Variants in PTPRD observed in about 807,000 individuals in gnomAD.
PTPRD encodes receptor-type tyrosine-protein phosphatase delta.
PTPRD carries 34 observed loss-of-function variants against 214.5 expected under a neutral mutation model. The ratio of observed to expected loss-of-function variants is 0.16; its 90% confidence interval spans 0.12 to 0.21. The LOEUF is 0.21. Among genes scored for constraint, PTPRD ranks in the 10% least tolerant of loss-of-function variants. The pLI is 1.00. For synonymous variants in PTPRD, 1,128 were observed against 845.7 expected, an observed-to-expected ratio of 1.33 and a Z score of -5.79; for missense variants, 2,545 against 2,398.7, an observed-to-expected ratio of 1.06 and a Z score of -1.27.
intron 10 of PTPRD, among the ~76,000 whole-genome samples, chr9:9,111,913 C>A (rs1468565681): frequency 6.6e-6 from 1 of 152,094 alleles, no homozygotes; most frequent in African/African-American, 2.4e-5. Context: ...TTAAGGACGA[C>A]TGCTTCATAG....
chr9:9,903,174 A>G (rs1305896670), intron 5 of PTPRD, among the ~76,000 whole-genome samples: 1 of 152,164 alleles, frequency 6.6e-6, no homozygotes, highest in African/African-American at 2.4e-5. Flanking sequence ...CAATGATTAT[A>G]TATCTTGCAT....
chr9:10,201,982 T>C (rs1438303384), intron 3 of PTPRD, among the ~76,000 whole-genome samples: 1 of 152,056 alleles, frequency 6.6e-6, no homozygotes, highest in Non-Finnish European at 1.5e-5. Flanking sequence ...TTTTCAATTA[T>C]TTGGCAACAT....
chr9:8,813,734 C>T (rs1257598114), intron 11 of PTPRD, among the ~76,000 whole-genome samples: 2 of 152,216 alleles, frequency 1.3e-5, no homozygotes, highest in Non-Finnish European at 2.9e-5. Flanking sequence ...GCCACATTTA[C>T]TCATTTGATA....
intron 44 of PTPRD, among the ~76,000 whole-genome samples, chr9:8,323,268 T>A (rs1830261713): frequency 6.6e-6 from 1 of 152,208 alleles, no homozygotes; most frequent in Admixed American, 6.5e-5. Flanking sequence ...TACAAGGAGA[T>A]TAATGTTCTC....
chr9:10,566,660 T>C (rs1411695388), intron 2 of PTPRD, among the ~76,000 whole-genome samples: 1 of 152,014 alleles, frequency 6.6e-6, no homozygotes, highest in Non-Finnish European at 1.5e-5. Flanking sequence ...CATTATGGTA[T>C]TTTCTGGACA....
At chr9:9,537,067 T>C (rs190735178) in intron 8 of PTPRD, among the ~76,000 whole-genome samples, 1 of 151,830 alleles carries the variant, frequency 6.6e-6, no homozygotes, top group Non-Finnish European at 1.5e-5. Flanking sequence ...CCACTGCTTT[T>C]CCAGGAATGC....
chr9:10,594,032 G>A (rs576067900), intron 2 of PTPRD, among the ~76,000 whole-genome samples: 6 of 151,804 alleles, frequency 4.0e-5, no homozygotes, highest in Middle Eastern at 3.4e-3. Flanking sequence ...TCCCTTTCTC[G>A]CTATAAGAAT....
At chr9:8,848,445 C>T (rs2097749848) in intron 11 of PTPRD, among the ~76,000 whole-genome samples, 1 of 151,012 alleles carries the variant, frequency 6.6e-6, no homozygotes, top group Non-Finnish European at 1.5e-5. Flanking sequence ...AAGTGATCCT[C>T]CCATCTCAGC....
chr9:9,847,531 C>CA (rs1420454825), intron 5 of PTPRD, among the ~76,000 whole-genome samples: 1 of 152,096 alleles, frequency 6.6e-6, no homozygotes, highest in Non-Finnish European at 1.5e-5. Context: ...CTAATATGCA[C>CA]AGTCACCCCA....
intron 7 of PTPRD, among the ~76,000 whole-genome samples, chr9:9,622,126 T>C (rs16929927): frequency 0.015 from 2,297 of 152,302 alleles, 63 homozygotes; most frequent in African/African-American, 0.053. Flanking sequence ...TTTGATGTGA[T>C]TGTTTATCAG....
rs60632035 is a variant in PTPRD, at chr9:9,479,731, A to AAAAACAAAAC, written c.-236-82259_-236-82250dup. On this transcript the variant is annotated intron_variant, in intron 8 of 45. Transcript: ENST00000381196. ...AAGTAATTTAGTCAGCAGCAAAAACAAAAACAAAACAAAACAAAACAAAAC... is the reference window on the plus strand; with the variant it reads ...AAGTAATTTAGTCAGCAGCAAAAACAAAAACAAAACAAAACAAAACAAAACAAAACAAAAC... 3.5e-3 allele frequency among the ~76,000 whole-genome samples: 526 copies of AAAAACAAAAC among 150,120 alleles called. 3 individuals carry two copies. Among genetic ancestry groups the AAAAACAAAAC allele is most frequent in the South Asian group, 6.3e-3 (30 of 4,740 alleles).
chr9:9,219,168 A>G (rs2099954229), intron 9 of PTPRD, among the ~76,000 whole-genome samples: 1 of 152,130 alleles, frequency 6.6e-6, no homozygotes, highest in East Asian at 1.9e-4. Flanking sequence ...GAAAAATAGA[A>G]TTGTTAAAAT....
intron 5 of PTPRD, among the ~76,000 whole-genome samples, chr9:9,780,993 A>G (rs968931276): frequency 2.0e-5 from 3 of 152,344 alleles, no homozygotes; most frequent in African/African-American, 7.2e-5. Context: ...AAGCTATACA[A>G]CATAAAGATC....
intron 32 of PTPRD, among the ~76,000 whole-genome samples, chr9:8,460,854 T>G (rs955950497): frequency 6.6e-6 from 1 of 152,068 alleles, no homozygotes; most frequent in Non-Finnish European, 1.5e-5. Context: ...TTCTATATGG[T>G]GTATTAAATG....
At chr9:10,279,322 T>A (rs1452616351) in intron 3 of PTPRD, among the ~76,000 whole-genome samples, 2 of 152,196 alleles carry the variant, frequency 1.3e-5, no homozygotes, top group African/African-American at 4.8e-5. Flanking sequence ...TGCTTTTTAA[T>A]TACGTTAGAC....
intron 11 of PTPRD, among the ~76,000 whole-genome samples, chr9:8,965,008 A>C (rs1335837065): frequency 6.6e-6 from 1 of 152,066 alleles, no homozygotes; most frequent in Non-Finnish European, 1.5e-5. Flanking sequence ...GAAGATGAGA[A>C]TATATATTCT....
intron 4 of PTPRD, among the ~76,000 whole-genome samples, chr9:9,966,683 G>T (rs2094725946): frequency 6.6e-6 from 1 of 152,140 alleles, no homozygotes; most frequent in South Asian, 2.1e-4. Context: ...TTGGGGGAAA[G>T]TCCATCATAT....
At chr9:8,932,546 C>A (rs982983953) in intron 11 of PTPRD, among the ~76,000 whole-genome samples, 2 of 152,186 alleles carry the variant, frequency 1.3e-5, no homozygotes, top group African/African-American at 4.8e-5. Flanking sequence ...GTGGCTGCTG[C>A]CTTTCTTTCA....
At chr9:9,045,225 C>T (rs1275188937) in intron 10 of PTPRD, among the ~76,000 whole-genome samples, 2 of 152,034 alleles carry the variant, frequency 1.3e-5, no homozygotes, top group Non-Finnish European at 2.9e-5. Context: ...TTATGAATGC[C>T]CAGAGAGCTT....
Sources: gnomAD v4.1 joint callset for allele counts (sites outside exome capture counted in the v4.1 genomes callset) on GRCh38, gnomAD v4.1.1 for gene constraint, MANE v1.5 for transcripts, NCBI Gene and HGNC (gene_info 2026-07-23, HGNC 2026-07-21) for gene names.